Variants in PTBP2 observed in about 807,000 individuals in gnomAD.
The protein encoded by PTBP2 is polypyrimidine tract binding protein 2.
PTBP2 carries 13 observed loss-of-function variants against 61.4 expected under a neutral mutation model. That is an observed-to-expected ratio of 0.21 (90% CI 0.14 to 0.34). The LOEUF is 0.34. Among genes scored for constraint, PTBP2 ranks in the 10% least tolerant of loss-of-function variants. The probability of loss-of-function intolerance (pLI) is 1.00; values close to 1 mark genes in which losing one functional copy is unlikely to be tolerated. For missense variants in PTBP2, 405 were observed against 642.6 expected (o/e 0.63, Z 4.00); for synonymous variants, 215 against 218.5 (o/e 0.98, Z 0.14).
chr1:96,821,283 A>C (rs1662674782), exon 14 of PTBP2: 1 of 152,190 alleles, frequency 6.6e-6, no homozygotes, highest in African/African-American at 2.4e-5. Flanking sequence ...ACCATTGTGA[A>C]TAACACAGTG....
chr1:96,778,343 A>T (rs1224162747), intron 7 of PTBP2, among the ~76,000 whole-genome samples: 6 of 151,984 alleles, frequency 3.9e-5, no homozygotes, highest in East Asian at 3.9e-4. Context: ...AAATGCTATG[A>T]TAGGCTCTCA....
rs190536724 is a variant in PTBP2, at chr1:96,757,308, T to C, written c.115+5808T>C. ...AACAGTAAGCACAAGAAAGTTGATA[T>C]GATTATATTACTAGACAGAAAAATT... is the stretch of plus-strand genomic sequence containing the variant. On this transcript the variant is annotated intron_variant, in intron 3 of 13. Transcript: ENST00000674951. Among the ~76,000 whole-genome samples, 9 of 151,022 alleles carry C rather than the reference T, an allele frequency of 6.0e-5. No individual in the cohort carries two copies. In the East Asian group the frequency reaches 1.2e-3, roughly 19 times the overall value.
At position 96,769,859 on chromosome 1, in the gene PTBP2, T is replaced by C. The variant is rs1436097524; in HGVS notation, c.272T>C (p.Leu91Pro). The C allele has an allele frequency of 6.3e-7, 1 of 1,589,304 alleles. No homozygotes were observed. The highest frequency in any genetic ancestry group is 8.6e-7 in the Non-Finnish European group (1 of 1,169,388). The change falls in exon 4 of 14, where the codon CTG (leucine) becomes CCG (proline). Residue 91 changes from leucine (L) to proline (P), a missense_variant. Physicochemically the swap from Leu to Pro is moderately conservative, Grantham distance 98. Transcript: ENST00000674951. ...GGTAAGGTGACCAACATCCTTATGCTGAAAGGAAAAAATCAGGTACACTTC... is the reference window on the plus strand; with the variant it reads ...GGTAAGGTGACCAACATCCTTATGCCGAAAGGAAAAAATCAGGTACACTTC... ...PFGKVTNILM[L>P]KGKNQAFLEL...
intron 7 of PTBP2, 52 bp downstream of exon 7, chr1:96,777,998 GAA>G: frequency 1.0e-6 from 1 of 953,272 alleles, no homozygotes; most frequent in Non-Finnish European, 1.6e-6. Flanking sequence ...TGTATATGTA[GAA>G]AAATATATAT....
intron 8 of PTBP2, among the ~76,000 whole-genome samples, chr1:96,797,126 G>C (rs1257901938): frequency 6.6e-6 from 1 of 152,122 alleles, no homozygotes; most frequent in African/African-American, 2.4e-5. Flanking sequence ...ATTTTGATGG[G>C]AAAGAGTGTG....
intron 9 of PTBP2, among the ~76,000 whole-genome samples, chr1:96,805,141 A>G (rs1219173955): frequency 6.6e-6 from 1 of 151,946 alleles, no homozygotes; most frequent in Non-Finnish European, 1.5e-5. Context: ...GTCTCTTTAT[A>G]TCTATATCTA....
chr1:96,725,307 T>TC (rs541551457), intron 2 of PTBP2, among the ~76,000 whole-genome samples: 1 of 151,204 alleles, frequency 6.6e-6, no homozygotes, highest in Non-Finnish European at 1.5e-5. Context: ...ACCAGTTTTT[T>TC]TTTTTTTTTT....
intron 7 of PTBP2, among the ~76,000 whole-genome samples, chr1:96,780,391 TTAAA>T (rs749181966): frequency 6.6e-6 from 1 of 152,040 alleles, no homozygotes; most frequent in Non-Finnish European, 1.5e-5. Context: ...ACCAGACTTC[TTAAA>T]TAGTCTATCT....
intron 3 of PTBP2, among the ~76,000 whole-genome samples, chr1:96,764,392 C>CA (rs1656411401): frequency 1.3e-5 from 2 of 152,192 alleles, no homozygotes; most frequent in African/African-American, 2.4e-5. Flanking sequence ...TTAGCAGTGA[C>CA]TATGAGGCTT....
At chr1:96,778,051 T>C in intron 7 of PTBP2, 105 bp downstream of exon 7, 1 of 444,384 alleles carries the variant, frequency 2.3e-6, no homozygotes, top group Non-Finnish European at 3.9e-6. Flanking sequence ...GCATTACAGA[T>C]AGTAGAAATT....
chr1:96,817,240 TCAAA>T (rs1338913646), downstream of PTBP2: 1 of 152,100 alleles, frequency 6.6e-6, no homozygotes, highest in African/African-American at 2.4e-5. Context: ...GCTCTGAACT[TCAAA>T]CAGGATTTTC....
intron 8 of PTBP2, among the ~76,000 whole-genome samples, chr1:96,803,377 A>C (rs1383186009): frequency 6.6e-6 from 1 of 152,100 alleles, no homozygotes; most frequent in Non-Finnish European, 1.5e-5. Flanking sequence ...AATCTTCCAA[A>C]ACAAAATGTA....
At chr1:96,768,559 G>C (rs553175635) in intron 3 of PTBP2, among the ~76,000 whole-genome samples, 1 of 151,916 alleles carries the variant, frequency 6.6e-6, no homozygotes, top group African/African-American at 2.4e-5. Context: ...AAAAGACTAA[G>C]AACCATTGAT....
chr1:96,728,492 T>C (rs544353814), intron 2 of PTBP2, among the ~76,000 whole-genome samples: 3 of 152,224 alleles, frequency 2.0e-5, no homozygotes, highest in African/African-American at 7.2e-5. Context: ...AAATCACTTA[T>C]GTCTGTATGT....
At chr1:96,797,472 A>G (rs1402995952) in intron 8 of PTBP2, among the ~76,000 whole-genome samples, 1 of 152,178 alleles carries the variant, frequency 6.6e-6, no homozygotes, top group Non-Finnish European at 1.5e-5. Context: ...GTTTCAAGAA[A>G]GAATAGCAGT....
chr1:96,801,162 GA>G (rs1660956527), intron 8 of PTBP2, among the ~76,000 whole-genome samples: 1 of 152,034 alleles, frequency 6.6e-6, no homozygotes, highest in Non-Finnish European at 1.5e-5. Flanking sequence ...TATATTTTAT[GA>G]ATTTATACTT....
intron 2 of PTBP2, chr1:96,749,791 G>GT (rs1318020287): frequency 2.7e-6 from 1 of 369,310 alleles, no homozygotes; most frequent in African/African-American, 2.1e-5. Context: ...ACTTTGCCTG[G>GT]TAATCACTGT....
intron 8 of PTBP2, among the ~76,000 whole-genome samples, chr1:96,801,434 C>G (rs1383794508): frequency 6.6e-6 from 1 of 152,084 alleles, no homozygotes; most frequent in Non-Finnish European, 1.5e-5. Context: ...TCATAGGGGG[C>G]CCACAAAGTT....
intron 3 of PTBP2, among the ~76,000 whole-genome samples, chr1:96,759,336 A>G (rs1655525494): frequency 6.6e-6 from 1 of 152,214 alleles, no homozygotes; most frequent in Admixed American, 6.5e-5. Flanking sequence ...CACAGTTCTC[A>G]AGACTCACTA....
Sources: gnomAD v4.1 joint callset for allele counts (sites outside exome capture counted in the v4.1 genomes callset) on GRCh38, gnomAD v4.1.1 for gene constraint, MANE v1.5 for transcripts, NCBI Gene and HGNC (gene_info 2026-07-23, HGNC 2026-07-21) for gene names.